SLCO3A1: variants seen among roughly 807,000 people sequenced by gnomAD.
SLCO3A1 encodes solute carrier organic anion transporter family member 3A1.
Under a neutral mutation model 63.1 loss-of-function variants are expected in SLCO3A1, and 27 were observed. The observed-to-expected ratio is 0.43, with a 90% confidence interval of 0.32 to 0.59. The LOEUF (loss-of-function observed/expected upper bound fraction) is 0.59. SLCO3A1 is among the 20% of genes least tolerant of loss of function. The pLI, the probability that SLCO3A1 is intolerant of heterozygous loss-of-function variation, is 0.09. For synonymous variants in SLCO3A1, 473 were observed against 409.9 expected (o/e 1.15, Z -1.86); for missense variants, 773 against 945.8 (o/e 0.82, Z 2.40).
intron 2 of SLCO3A1, among the ~76,000 whole-genome samples, chr15:91,930,171 C>T (rs1899175393): frequency 6.6e-6 from 1 of 152,176 alleles, no homozygotes; most frequent in Non-Finnish European, 1.5e-5. Flanking sequence ...AAGCTCCAGC[C>T]TCTCATGGAT....
chr15:91,918,047 C>T (rs927740201), intron 2 of SLCO3A1, among the ~76,000 whole-genome samples: 1 of 152,184 alleles, frequency 6.6e-6, no homozygotes, highest in Non-Finnish European at 1.5e-5. Context: ...AGTGCTGTAT[C>T]ACTTCTGCCT....
chr15:92,121,487 T>G (rs2151561933), intron 5 of SLCO3A1, among the ~76,000 whole-genome samples: 1 of 152,314 alleles, frequency 6.6e-6, no homozygotes, highest in East Asian at 1.9e-4. Flanking sequence ...CATGCAAAGT[T>G]TCTGGATCAG....
At chr15:92,130,932 T>C (rs972392335) in intron 7 of SLCO3A1, among the ~76,000 whole-genome samples, 2 of 150,216 alleles carry the variant, frequency 1.3e-5, no homozygotes, top group Non-Finnish European at 3.0e-5. Flanking sequence ...CTAAAACCTT[T>C]CACCTCCTCC....
At chr15:91,909,792 T>C (rs1212940407) in intron 1 of SLCO3A1, among the ~76,000 whole-genome samples, 1 of 152,244 alleles carries the variant, frequency 6.6e-6, no homozygotes, top group Non-Finnish European at 1.5e-5. Flanking sequence ...CCACCTTGTT[T>C]GTTCCATGCC....
At chr15:92,022,880 C>T (rs1438042327) in intron 2 of SLCO3A1, among the ~76,000 whole-genome samples, 1 of 151,924 alleles carries the variant, frequency 6.6e-6, no homozygotes, top group Non-Finnish European at 1.5e-5. Flanking sequence ...GCCTGCAGTG[C>T]TACCTGCAGT....
rs961895532 is a variant in SLCO3A1, at chr15:91,875,490, T to C, written c.180+21402T>C. ...CCGTCACATGTGACGTAAACCTAGG[T>C]TGGTTCCTCCCCCGTCAGTTGGAGA... On this transcript the variant is annotated intron_variant, in intron 1 of 9. Transcript: ENST00000318445. The surrounding 1 kb of genome is among the most constrained non-coding windows in gnomAD (Gnocchi z 4.5). 1.3e-5 allele frequency among the ~76,000 whole-genome samples: 2 copies of C among 152,160 alleles called. No homozygotes were observed. The highest frequency in any genetic ancestry group is 4.8e-5 in the African/African-American group (2 of 41,432).
At position 92,163,648 on chromosome 15, in the gene SLCO3A1, G is replaced by A; in HGVS notation, c.*513G>A. The stretch of plus-strand genomic sequence containing the variant: ...CCTCTTCCTCCAGGTGGGGGTGGGG[G>A]CGGGCGCACAAGTCGGAGGGGTGGA... On this transcript the variant is annotated 3_prime_UTR_variant, in exon 10 of 10. Coordinates refer to ENST00000318445, the MANE Select transcript of SLCO3A1 (RefSeq NM_013272.4). The A allele has an allele frequency of 1.0e-6, 1 of 985,076 alleles. No individual in the cohort carries two copies. The highest frequency in any genetic ancestry group is 1.7e-5 in the African/African-American group (1 of 57,222). 61.0% of individuals were successfully genotyped at this position (985,076 alleles called of 1,614,324 possible). A position where few individuals can be genotyped will look rare whatever the true frequency, so the allele number is the denominator to read the frequency against.
At chr15:92,019,823 C>T (rs1426013472) in intron 2 of SLCO3A1, among the ~76,000 whole-genome samples, 1 of 152,150 alleles carries the variant, frequency 6.6e-6, no homozygotes, top group Non-Finnish European at 1.5e-5. Flanking sequence ...CTCCTTTCTA[C>T]TTGGGTGCCT....
At chr15:91,878,374 CA>C (rs1897458378) in intron 1 of SLCO3A1, among the ~76,000 whole-genome samples, 1 of 152,148 alleles carries the variant, frequency 6.6e-6, no homozygotes, top group South Asian at 2.1e-4. Context: ...GCCACTGCGC[CA>C]GGGCGATTTA....
chr15:92,117,898 G>C (rs1567129393), intron 4 of SLCO3A1, among the ~76,000 whole-genome samples: 1 of 152,162 alleles, frequency 6.6e-6, no homozygotes, highest in Non-Finnish European at 1.5e-5. Context: ...TCACAGTCAG[G>C]ATTACTCTAA....
At chr15:92,093,218 C>T (rs1334582464) in intron 2 of SLCO3A1, among the ~76,000 whole-genome samples, 4 of 152,118 alleles carry the variant, frequency 2.6e-5, no homozygotes, top group Non-Finnish European at 5.9e-5. Context: ...CAGACAGTAC[C>T]GGAAGCATGG....
intron 2 of SLCO3A1, among the ~76,000 whole-genome samples, chr15:92,057,562 G>A (rs1262802616): frequency 6.6e-6 from 1 of 152,198 alleles, no homozygotes; most frequent in Non-Finnish European, 1.5e-5. Flanking sequence ...CCATCTGTGA[G>A]GACACAGTCC....
At chr15:92,036,800 G>T (rs1439135880) in intron 2 of SLCO3A1, among the ~76,000 whole-genome samples, 1 of 152,000 alleles carries the variant, frequency 6.6e-6, no homozygotes, top group Non-Finnish European at 1.5e-5. Context: ...CAAATCTCGT[G>T]GTAATTACAT....
At chr15:91,964,553 T>G (rs757517759) in intron 2 of SLCO3A1, among the ~76,000 whole-genome samples, 2 of 152,030 alleles carry the variant, frequency 1.3e-5, no homozygotes, top group African/African-American at 4.8e-5. Flanking sequence ...AAGGTTGCTA[T>G]GCTTGTCGGC....
At chr15:91,972,318 A>T (rs1434189573) in intron 2 of SLCO3A1, among the ~76,000 whole-genome samples, 1 of 152,102 alleles carries the variant, frequency 6.6e-6, no homozygotes, top group Non-Finnish European at 1.5e-5. Flanking sequence ...TGTGAATCCT[A>T]ACCCAAGGTG....
rs1896998838 is a variant in SLCO3A1, at chr15:91,859,430, T to G, written c.180+5342T>G. Reference sequence around the variant, plus strand: ...TGAATTGATGTGATTCAAAGACACTTGTATTTTATGTAGCCTAAGTGTTTA... The same window carrying G: ...TGAATTGATGTGATTCAAAGACACTGGTATTTTATGTAGCCTAAGTGTTTA... On this transcript the variant is annotated intron_variant, in intron 1 of 9. Coordinates refer to ENST00000318445, the MANE Select transcript of SLCO3A1 (RefSeq NM_013272.4). This position sits in a 1 kb window ranked among gnomAD's most constrained non-coding sequence, Gnocchi z 5.1. 6.6e-6 allele frequency among the ~76,000 whole-genome samples: 1 copy of G among 152,248 alleles called. No individual in the cohort carries two copies. Among genetic ancestry groups the G allele is most frequent in the Non-Finnish European group, 1.5e-5 (1 of 68,046 alleles).
At chr15:91,998,338 C>T (rs1207745527) in intron 2 of SLCO3A1, among the ~76,000 whole-genome samples, 1 of 152,056 alleles carries the variant, frequency 6.6e-6, no homozygotes, top group Non-Finnish European at 1.5e-5. Flanking sequence ...CCTGTAATCC[C>T]AGCTACTCAG....
chr15:92,130,093 T>A (rs944408015), intron 7 of SLCO3A1, among the ~76,000 whole-genome samples: 34 of 152,252 alleles, frequency 2.2e-4, no homozygotes, highest in African/African-American at 7.7e-4. Context: ...AAGAATTAAA[T>A]TGACTCAGTA....
rs1026474123 is a variant in SLCO3A1 at position 92,017,287 on chromosome 15, G to A, written c.647-77594G>A. Among the ~76,000 whole-genome samples the A allele has an allele frequency of 3.0e-3, 391 of 132,314 alleles. 1 individual carries two copies. Among genetic ancestry groups the A allele is most frequent in the African/African-American group, 0.016 (376 of 23,422 alleles). The allele number at this position is 132,314 out of a possible 152,430, so 86.8% of individuals were successfully genotyped here. On this transcript the variant is annotated intron_variant, in intron 2 of 9. Coordinates refer to ENST00000318445, the MANE Select transcript of SLCO3A1 (RefSeq NM_013272.4). Reference sequence around the variant, plus strand: ...CATTGAGTTGGAGGAGCTGGGATTGGGGGGGGGTAGGGAAAGAGCAGGTGG... The same window carrying A: ...CATTGAGTTGGAGGAGCTGGGATTGAGGGGGGGTAGGGAAAGAGCAGGTGG...
Sources: allele counts gnomAD v4.1 joint callset (sites outside exome capture counted in the v4.1 genomes callset), GRCh38; gene constraint gnomAD v4.1.1; non-coding constraint Gnocchi (gnomAD v3.1); transcripts MANE v1.5; gene names NCBI Gene and HGNC (gene_info 2026-07-23, HGNC 2026-07-21).